TATDN1: variants seen among roughly 807,000 people sequenced by gnomAD.
The protein encoded by TATDN1 is TatD DNase domain containing 1, also known as deoxyribonuclease TATDN1.
A neutral mutation model predicts 46.4 loss-of-function variants in TATDN1; 40 were observed. The ratio of observed to expected loss-of-function variants is 0.86; its 90% CI spans 0.67 to 1.12. The LOEUF (loss-of-function observed/expected upper bound fraction) is 1.12, where lower values mean the gene tolerates loss of function less well. Among genes scored for constraint, TATDN1 ranks in the 50% most tolerant of loss-of-function variants. The pLI, the probability that TATDN1 is intolerant of heterozygous loss-of-function variation, is 0.00. For synonymous variants in TATDN1, 95 were observed against 105.6 expected (o/e 0.90, Z 0.62); for missense variants, 326 against 348.4 (o/e 0.94, Z 0.51).
intron 9 of TATDN1, 123 bp downstream of exon 9, chr8:124,504,148 A>G (rs1818207359): frequency 1.3e-6 from 1 of 777,504 alleles, no homozygotes. Context: ...AATTCCCAGC[A>G]AAGATCAATG....
At chr8:124,490,484 T>C (rs1173828949) in intron 11 of TATDN1, among the ~76,000 whole-genome samples, 1 of 151,788 alleles carries the variant, frequency 6.6e-6, no homozygotes, top group African/African-American at 2.4e-5. Context: ...CGCTCCAGCC[T>C]GGGCAACAGA....
intron 9 of TATDN1, among the ~76,000 whole-genome samples, chr8:124,496,261 C>A (rs192712067): frequency 3.7e-4 from 57 of 152,292 alleles, no homozygotes; most frequent in African/African-American, 1.3e-3. Context: ...TACAGAGATT[C>A]CCCAACCATA....
intron 11 of TATDN1, chr8:124,489,928 T>C (rs1336229267): frequency 6.6e-6 from 1 of 152,258 alleles, no homozygotes; most frequent in Non-Finnish European, 1.5e-5. Flanking sequence ...AATGGGAATT[T>C]AAAAAATTGT....
intron 1 of TATDN1, among the ~76,000 whole-genome samples, chr8:124,524,717 C>G (rs909489491): frequency 6.6e-6 from 1 of 152,122 alleles, no homozygotes; most frequent in African/African-American, 2.4e-5. Flanking sequence ...GGGGGAGGGA[C>G]TGGGCTCAAT....
At chr8:124,522,239 AC>A (rs1276480949) in intron 2 of TATDN1, 39 bp from the exon 3 acceptor site, 2 of 1,427,130 alleles carry the variant, frequency 1.4e-6, no homozygotes, top group African/African-American at 2.9e-5. Flanking sequence ...AACCTGGCAG[AC>A]AAAAATTTGA....
intron 1 of TATDN1, among the ~76,000 whole-genome samples, chr8:124,537,768 C>T (rs1350655366): frequency 1.3e-5 from 2 of 152,036 alleles, no homozygotes; most frequent in East Asian, 3.9e-4. Flanking sequence ...TATTTGACAA[C>T]CCCTCCCCAA....
chr8:124,510,075 T>A (rs746301143), intron 6 of TATDN1, among the ~76,000 whole-genome samples: 2 of 151,888 alleles, frequency 1.3e-5, no homozygotes, highest in Non-Finnish European at 2.9e-5. Flanking sequence ...AGAAATAGTC[T>A]TCCTAAAATA....
At chr8:124,522,746 G>A (rs1317523349) in intron 2 of TATDN1, among the ~76,000 whole-genome samples, 191 bp downstream of exon 2, 1 of 152,090 alleles carries the variant, frequency 6.6e-6, no homozygotes, top group East Asian at 1.9e-4. Context: ...TCAATTTTAA[G>A]AGCGGATTAT....
intron 9 of TATDN1, 51 bp from the exon 10 acceptor site, chr8:124,495,593 T>G: frequency 7.3e-7 from 1 of 1,361,932 alleles, no homozygotes; most frequent in Non-Finnish European, 1.0e-6. Flanking sequence ...AACGAATACC[T>G]TTTTTCGTAT....
intron 9 of TATDN1, among the ~76,000 whole-genome samples, chr8:124,498,048 C>A (rs1817635156): frequency 6.6e-6 from 1 of 152,166 alleles, no homozygotes; most frequent in African/African-American, 2.4e-5. Flanking sequence ...TCAAATCCCA[C>A]TATGTTGGGT....
chr8:124,502,918 T>C (rs1236959122), intron 9 of TATDN1, among the ~76,000 whole-genome samples: 1 of 152,180 alleles, frequency 6.6e-6, no homozygotes, highest in Non-Finnish European at 1.5e-5. Flanking sequence ...GTGGGAGGGT[T>C]GCTTGAGCCT....
chr8:124,509,144 T>C (rs976965979), intron 6 of TATDN1, among the ~76,000 whole-genome samples: 6 of 152,236 alleles, frequency 3.9e-5, no homozygotes, highest in African/African-American at 1.2e-4. Flanking sequence ...AGCAAATAAC[T>C]CAATTATGCT....
chr8:124,489,341 C>T (rs921415624), intron 11 of TATDN1: 1 of 152,128 alleles, frequency 6.6e-6, no homozygotes, highest in Non-Finnish European at 1.5e-5. Context: ...CAGTTTCTTT[C>T]TTTCTCTGTC....
chr8:124,531,527 A>G (rs544636507), intron 1 of TATDN1, among the ~76,000 whole-genome samples: 1 of 152,284 alleles, frequency 6.6e-6, no homozygotes, highest in South Asian at 2.1e-4. Flanking sequence ...TTCAGTGGGA[A>G]CACCCTAGAT....
At chr8:124,534,528 G>C (rs1341146239) in intron 1 of TATDN1, among the ~76,000 whole-genome samples, 1 of 152,114 alleles carries the variant, frequency 6.6e-6, no homozygotes, top group Non-Finnish European at 1.5e-5. Context: ...TTGTTGCCCA[G>C]GCTGGTCTTG....
chr8:124,519,464 A>T (rs549402249), intron 3 of TATDN1, among the ~76,000 whole-genome samples: 20 of 152,338 alleles, frequency 1.3e-4, no homozygotes, highest in South Asian at 6.2e-4. Context: ...TAGAGATTTG[A>T]AAAAACATAC....
At chr8:124,534,953 G>A in intron 1 of TATDN1, among the ~76,000 whole-genome samples, 1 of 152,200 alleles carries the variant, frequency 6.6e-6, no homozygotes, top group East Asian at 1.9e-4. Flanking sequence ...AAACGGCCAG[G>A]TGGAAGAGAC....
rs561830684 is a variant in TATDN1 at position 124,529,286 on chromosome 8, G to A, written c.23-6284C>T. Among the ~76,000 whole-genome samples the A allele has an allele frequency of 3.3e-5, 5 of 152,282 alleles. No homozygotes were observed. The East Asian group carries it at 9.6e-4, about 29-fold the overall frequency. On this transcript the variant is annotated intron_variant, in intron 1 of 11. Transcript: ENST00000276692. ...TCCCGCAACAATGTGACTAATAGTG[G>A]CAAAGACTTTTCAAATCATATCCTT...
intron 1 of TATDN1, among the ~76,000 whole-genome samples, chr8:124,533,155 G>A (rs995009373): frequency 1.3e-5 from 2 of 152,092 alleles, no homozygotes; most frequent in Non-Finnish European, 2.9e-5. Context: ...AGGAGGCTGA[G>A]GCAGGAGAAT....
Sources: allele counts gnomAD v4.1 joint callset (sites outside exome capture counted in the v4.1 genomes callset), GRCh38; gene constraint gnomAD v4.1.1; transcripts MANE v1.5; gene names NCBI Gene and HGNC (gene_info 2026-07-23, HGNC 2026-07-21).